Variants in CDH12 observed in about 807,000 individuals in gnomAD.
The protein encoded by CDH12 is cadherin 12, also known as cadherin-12.
Under a neutral mutation model 74.1 loss-of-function variants are expected in CDH12, and 41 were observed. That is an observed-to-expected ratio of 0.55 (90% CI 0.43 to 0.72). The LOEUF is 0.72. Ranked by LOEUF, CDH12 falls within the 30% of genes least tolerant of loss-of-function variation. The pLI, the probability that CDH12 is intolerant of heterozygous loss-of-function variation, is 0.00. For synonymous variants in CDH12, 399 were observed against 355.0 expected (o/e 1.12, Z -1.39); for missense variants, 945 against 977.2 (o/e 0.97, Z 0.44).
intron 9 of CDH12, among the ~76,000 whole-genome samples, 177 bp from the exon 10 acceptor site, chr5:21,802,597 T>TTTTC (rs1056328469): frequency 6.2e-5 from 9 of 144,166 alleles, no homozygotes; most frequent in Admixed American, 3.5e-4. Context: ...TTTTTTCTTT[T>TTTTC]TTTTTTTTTT....
At chr5:22,312,938 G>A (rs767320087) in intron 3 of CDH12, among the ~76,000 whole-genome samples, 2 of 152,042 alleles carry the variant, frequency 1.3e-5, no homozygotes, top group Non-Finnish European at 2.9e-5. Flanking sequence ...TTTCCCCTTT[G>A]TGTATTCCAT....
chr5:22,286,670 T>C (rs1472829474), intron 3 of CDH12, among the ~76,000 whole-genome samples: 1 of 64,882 alleles, frequency 1.5e-5, no homozygotes, highest in Non-Finnish European at 3.0e-5. Flanking sequence ...AGTTTCATTC[T>C]TTCTTTCCTT....
At chr5:22,801,886 T>C (rs995616237) in intron 1 of CDH12, among the ~76,000 whole-genome samples, 3 of 151,340 alleles carry the variant, frequency 2.0e-5, no homozygotes, top group Non-Finnish European at 2.9e-5. Flanking sequence ...AAAATTGTTA[T>C]TCATTTACTC....
intron 6 of CDH12, among the ~76,000 whole-genome samples, chr5:21,898,942 A>G (rs1753255331): frequency 6.6e-6 from 1 of 152,104 alleles, no homozygotes; most frequent in Admixed American, 6.6e-5. Flanking sequence ...GCAGATCTTC[A>G]TGGCCCGAAA....
At chr5:21,994,610 C>G (rs1269788113) in intron 5 of CDH12, among the ~76,000 whole-genome samples, 3 of 152,136 alleles carry the variant, frequency 2.0e-5, no homozygotes, top group Non-Finnish European at 2.9e-5. Flanking sequence ...TGTTCCACAT[C>G]AAAGTCAGTA....
intron 4 of CDH12, among the ~76,000 whole-genome samples, chr5:22,200,997 C>T (rs1197809510): frequency 6.6e-6 from 1 of 152,038 alleles, no homozygotes; most frequent in African/African-American, 2.4e-5. Flanking sequence ...CTTGTAGGGG[C>T]CAAAAAACAC....
chr5:22,732,654 A>T (rs1484426795), intron 1 of CDH12, among the ~76,000 whole-genome samples: 1 of 151,866 alleles, frequency 6.6e-6, no homozygotes, highest in Non-Finnish European at 1.5e-5. Flanking sequence ...ACAGATACAC[A>T]CAAGGAGAAT....
intron 5 of CDH12, among the ~76,000 whole-genome samples, chr5:22,046,497 A>C (rs1420774664): frequency 7.6e-6 from 1 of 131,936 alleles, no homozygotes; most frequent in African/African-American, 3.0e-5. Flanking sequence ...CAGTGGCGCG[A>C]TTTGGCTCAC....
intron 8 of CDH12, among the ~76,000 whole-genome samples, chr5:21,824,979 C>A (rs1279267794): frequency 6.6e-6 from 1 of 151,982 alleles, no homozygotes; most frequent in African/African-American, 2.4e-5. Context: ...CATGGTGAAA[C>A]TCCATCTCTA....
intron 5 of CDH12, among the ~76,000 whole-genome samples, chr5:22,062,153 T>C (rs890131794): frequency 1.3e-5 from 2 of 152,254 alleles, no homozygotes; most frequent in Non-Finnish European, 2.9e-5. Flanking sequence ...TTAAAGATAG[T>C]TGAACTTCAT....
At chr5:22,440,293 A>C (rs1471124474) in intron 2 of CDH12, among the ~76,000 whole-genome samples, 1 of 152,170 alleles carries the variant, frequency 6.6e-6, no homozygotes, top group Non-Finnish European at 1.5e-5. Context: ...TGAAAAGTTA[A>C]TGAGAAACTC....
At chr5:22,518,972 A>G (rs1736927426) in intron 1 of CDH12, among the ~76,000 whole-genome samples, 1 of 152,162 alleles carries the variant, frequency 6.6e-6, no homozygotes. Flanking sequence ...GGACACCCCT[A>G]GCATGGGGTG....
chr5:21,750,760 G>A lies in CDH12; in HGVS notation c.*977C>T, dbSNP rs1202151425. The A allele has an allele frequency of 6.6e-6, 1 of 151,970 alleles. No individual in the cohort carries two copies. The highest frequency in any genetic ancestry group is 2.4e-5 in the African/African-American group (1 of 41,370). The allele number at this position is 151,970 out of a possible 1,614,324, so 9.4% of individuals were successfully genotyped here. On this transcript the variant is annotated 3_prime_UTR_variant, in exon 15 of 15. Transcript: ENST00000382254. ...TTCTCTTTCCATGCTTAAATGAATG[G>A]CACTTTTTTCTTCTAAGAATTTTCA... is the stretch of plus-strand genomic sequence containing the variant.
rs545874334 is a variant in CDH12, at chr5:22,185,649, C to T, written c.-187+26849G>A. Among the ~76,000 whole-genome samples the T allele has an allele frequency of 2.1e-4, 32 of 152,226 alleles. No individual in the cohort carries two copies. In the East Asian group the frequency reaches 2.5e-3, roughly 12 times the overall value. ...GTGTATAAGTGAGAAAGTCCTAGTGCTTATTTGTCATAAGGTAAGGGAAGA... is the reference window on the plus strand; with the variant it reads ...GTGTATAAGTGAGAAAGTCCTAGTGTTTATTTGTCATAAGGTAAGGGAAGA... On this transcript the variant is annotated intron_variant, in intron 4 of 14. Coordinates refer to ENST00000382254, the MANE Select transcript of CDH12 (RefSeq NM_004061.5).
intron 1 of CDH12, among the ~76,000 whole-genome samples, chr5:22,797,706 A>T (rs1160962101): frequency 6.6e-6 from 1 of 152,208 alleles, no homozygotes; most frequent in Non-Finnish European, 1.5e-5. Flanking sequence ...CTTAACTATT[A>T]GAGAATTTTA....
intron 6 of CDH12, among the ~76,000 whole-genome samples, chr5:21,932,807 C>T (rs148644556): frequency 6.7e-6 from 1 of 149,428 alleles, no homozygotes; most frequent in Non-Finnish European, 1.5e-5. Flanking sequence ...AGCAAGACTC[C>T]ATCTCAAAAA....
intron 1 of CDH12, among the ~76,000 whole-genome samples, chr5:22,530,872 T>C (rs1580738462): frequency 6.6e-6 from 1 of 152,214 alleles, no homozygotes; most frequent in East Asian, 1.9e-4. Flanking sequence ...ACCTAGATTT[T>C]TTCTTAAAAA....
intron 4 of CDH12, among the ~76,000 whole-genome samples, chr5:22,093,528 ATAT>A (rs1261208051): frequency 6.6e-6 from 1 of 152,214 alleles, no homozygotes; most frequent in African/African-American, 2.4e-5. Flanking sequence ...AAAAGATTAC[ATAT>A]TATATGATTG....
At chr5:22,465,854 C>T (rs986391274) in intron 2 of CDH12, among the ~76,000 whole-genome samples, 1 of 152,134 alleles carries the variant, frequency 6.6e-6, no homozygotes, top group Non-Finnish European at 1.5e-5. Context: ...CATAATCTCT[C>T]TTACAAAAAC....
Sources: gnomAD v4.1 joint callset for allele counts (sites outside exome capture counted in the v4.1 genomes callset) on GRCh38, gnomAD v4.1.1 for gene constraint, MANE v1.5 for transcripts, NCBI Gene and HGNC (gene_info 2026-07-23, HGNC 2026-07-21) for gene names.